The following RBFOX1 variants were observed in gnomAD, a reference collection of about 807,000 sequenced individuals.
RBFOX1 encodes the protein RNA binding protein fox-1 homolog 1.
Under a neutral mutation model 57.7 loss-of-function variants are expected in RBFOX1, and 8 were observed. The ratio of observed to expected loss-of-function variants is 0.14; its 90% CI spans 0.08 to 0.25. The LOEUF (loss-of-function observed/expected upper bound fraction) is 0.25. Ranked by LOEUF, RBFOX1 falls within the 10% of genes least tolerant of loss-of-function variation. RBFOX1 has a pLI of 1.00. For synonymous variants in RBFOX1, 326 were observed against 222.4 expected, an observed-to-expected ratio of 1.47 and a Z score of -4.15; for missense variants, 611 against 548.5, an observed-to-expected ratio of 1.11 and a Z score of -1.14.
At chr16:7,549,125 G>A (rs888641643) in intron 5 of RBFOX1, among the ~76,000 whole-genome samples, 1 of 152,236 alleles carries the variant, frequency 6.6e-6, no homozygotes, top group Non-Finnish European at 1.5e-5. Flanking sequence ...GGTAAACAGT[G>A]GAAGGCAGAG....
chr16:6,507,717 C>G (rs1245997409), intron 2 of RBFOX1, among the ~76,000 whole-genome samples: 1 of 151,808 alleles, frequency 6.6e-6, no homozygotes, highest in African/African-American at 2.4e-5. Context: ...ATAAGATAGT[C>G]ACAAAAAGAC....
In RBFOX1 at chr16:6,167,189, C is replaced by G. The variant is rs142674712; in HGVS notation, c.-127+147197C>G. On this transcript the variant is annotated intron_variant, in intron 1 of 15. Transcript: ENST00000550418. ...GGGTGTTGGATGGGAAGAGCCGAAACACGCATGCGTGATGTTCAGGGCCCT... is the reference window on the plus strand; with the variant it reads ...GGGTGTTGGATGGGAAGAGCCGAAAGACGCATGCGTGATGTTCAGGGCCCT... Among the ~76,000 whole-genome samples, 130 of 152,384 alleles carry G rather than the reference C, an allele frequency of 8.5e-4. 1 individual carries two copies. Among genetic ancestry groups the G allele is most frequent in the Middle Eastern group, 6.8e-3 (2 of 294 alleles).
chr16:5,507,320 T>G (rs2043412871), intron 2 of RBFOX1, among the ~76,000 whole-genome samples: 1 of 152,172 alleles, frequency 6.6e-6, no homozygotes, highest in East Asian at 1.9e-4. Context: ...TTTCTCTCAC[T>G]GCTCCCCAAG....
At chr16:5,304,826 T>A (rs547181828) in intron 1 of RBFOX1, among the ~76,000 whole-genome samples, 32 of 100,366 alleles carry the variant, frequency 3.2e-4, no homozygotes, top group African/African-American at 9.7e-4. Context: ...GTTAGCCATA[T>A]AAAGTGATTT....
At chr16:6,478,528 C>A (rs55781181) in intron 2 of RBFOX1, among the ~76,000 whole-genome samples, 2 of 145,702 alleles carry the variant, frequency 1.4e-5, no homozygotes, top group South Asian at 2.2e-4. Context: ...CTTGCCTTGG[C>A]CTCCCAAAAT....
intron 2 of RBFOX1, among the ~76,000 whole-genome samples, chr16:6,440,053 C>T (rs1051075449): frequency 4.6e-5 from 7 of 151,554 alleles, no homozygotes; most frequent in Middle Eastern, 6.8e-3. Context: ...CCTCCTGCCT[C>T]AGCCTCCTGA....
At chr16:6,966,413 TG>T (rs1225536701) in intron 3 of RBFOX1, among the ~76,000 whole-genome samples, 2 of 152,114 alleles carry the variant, frequency 1.3e-5, no homozygotes, top group African/African-American at 2.4e-5. Flanking sequence ...TACATGACCC[TG>T]GGGGGTCTTC....
At chr16:7,004,980 C>A (rs530462600) in intron 3 of RBFOX1, among the ~76,000 whole-genome samples, 6 of 152,052 alleles carry the variant, frequency 3.9e-5, no homozygotes, top group Admixed American at 3.3e-4. Flanking sequence ...CCCATTTCTA[C>A]CAAAAATACA....
intron 3 of RBFOX1, among the ~76,000 whole-genome samples, chr16:7,031,482 G>A (rs891684631): frequency 9.9e-5 from 15 of 151,988 alleles, no homozygotes. Context: ...TGTAGTTCTG[G>A]CTACTTGGGA....
chr16:6,616,977 C>T (rs1051231339), intron 2 of RBFOX1, among the ~76,000 whole-genome samples: 1 of 152,144 alleles, frequency 6.6e-6, no homozygotes, highest in Admixed American at 6.5e-5. Flanking sequence ...GCAACAGAGA[C>T]CTTATGTCCT....
intron 4 of RBFOX1, among the ~76,000 whole-genome samples, chr16:7,158,010 C>G (rs1002331771): frequency 2.0e-5 from 3 of 152,100 alleles, no homozygotes; most frequent in Non-Finnish European, 4.4e-5. Flanking sequence ...CAGAAAAATT[C>G]TATGTAGCTT....
intron 3 of RBFOX1, among the ~76,000 whole-genome samples, chr16:6,935,665 T>C (rs1396805415): frequency 6.6e-6 from 1 of 152,204 alleles, no homozygotes; most frequent in Non-Finnish European, 1.5e-5. Flanking sequence ...TTCTTAAATG[T>C]AATGTGCCTT....
intron 4 of RBFOX1, among the ~76,000 whole-genome samples, chr16:5,977,130 C>G (rs948545009): frequency 2.0e-5 from 3 of 152,102 alleles, no homozygotes; most frequent in Non-Finnish European, 4.4e-5. Flanking sequence ...AAGCTAAATT[C>G]CGGAAACCAC....
At chr16:5,355,777 C>T (rs1250804946) in intron 1 of RBFOX1, among the ~76,000 whole-genome samples, 1 of 152,194 alleles carries the variant, frequency 6.6e-6, no homozygotes, top group East Asian at 1.9e-4. Flanking sequence ...AAGCCCTAAT[C>T]CAACATCTAG....
At chr16:6,255,891 TTGG>T (rs1298012782) in intron 1 of RBFOX1, among the ~76,000 whole-genome samples, 1 of 151,326 alleles carries the variant, frequency 6.6e-6, no homozygotes. Context: ...GGGCCTGTAC[TTGG>T]TGGGGTGCAA....
intron 3 of RBFOX1, among the ~76,000 whole-genome samples, chr16:5,620,109 T>G (rs989327280): frequency 6.6e-6 from 1 of 152,042 alleles, no homozygotes; most frequent in African/African-American, 2.4e-5. Flanking sequence ...CAGCAGAAAG[T>G]GAACATTACA....
chr16:5,942,493 A>C (rs954765611), intron 4 of RBFOX1, among the ~76,000 whole-genome samples: 2 of 152,220 alleles, frequency 1.3e-5, no homozygotes, highest in African/African-American at 4.8e-5. Context: ...ATGTTGTTAC[A>C]GGTGCAATTG....
chr16:7,081,870 G>A (rs1444481924), intron 4 of RBFOX1, among the ~76,000 whole-genome samples: 1 of 152,130 alleles, frequency 6.6e-6, no homozygotes, highest in Non-Finnish European at 1.5e-5. Flanking sequence ...AGTCTTTTTA[G>A]TGGCATAAAT....
At chr16:6,890,570 A>G (rs1325425392) in intron 3 of RBFOX1, among the ~76,000 whole-genome samples, 4 of 152,198 alleles carry the variant, frequency 2.6e-5, no homozygotes, top group East Asian at 1.9e-4. Flanking sequence ...GGTTGTGAGG[A>G]TGGTAAAGTG....
Sources: allele counts gnomAD v4.1 joint callset (sites outside exome capture counted in the v4.1 genomes callset), GRCh38; gene constraint gnomAD v4.1.1; transcripts MANE v1.5; gene names NCBI Gene and HGNC (gene_info 2026-07-23, HGNC 2026-07-21).